Variants in ADAP1 observed in about 807,000 individuals in gnomAD.
The protein encoded by ADAP1 is ArfGAP with dual PH domains 1.
In ADAP1, 31 loss-of-function variants were observed where a neutral mutation model predicts 54.9. The ratio of observed to expected loss-of-function variants is 0.56; its 90% CI spans 0.42 to 0.76. The LOEUF (loss-of-function observed/expected upper bound fraction) is 0.76, where lower values mean the gene tolerates loss of function less well. ADAP1 is among the 30% of genes least tolerant of loss of function. The pLI is 0.00. For synonymous variants in ADAP1, 313 were observed against 202.6 expected (o/e 1.55, Z -4.63); for missense variants, 535 against 512.4 (o/e 1.04, Z -0.42).
At chr7:905,758 G>GA (rs1335274257) in intron 4 of ADAP1, 2 of 38,740 alleles carry the variant, frequency 5.2e-5, no homozygotes, top group Non-Finnish European at 8.3e-5. Flanking sequence ...GGAGAAGGGA[G>GA]AAGGGAGAAA....
chr7:936,626 T>C (rs948838365), intron 1 of ADAP1, among the ~76,000 whole-genome samples: 16 of 152,238 alleles, frequency 1.1e-4, no homozygotes, highest in Admixed American at 9.2e-4. Flanking sequence ...CCTGTTTTCT[T>C]CTGGCTCCCA....
intron 3 of ADAP1, among the ~76,000 whole-genome samples, chr7:923,688 AGT>A (rs1233113747): frequency 4.6e-5 from 7 of 152,082 alleles, no homozygotes; most frequent in Non-Finnish European, 8.8e-5. Context: ...GAGGGACCCC[AGT>A]GTGTGCCGGG....
Position 920,064 on chromosome 7 carries a change from A to G in ADAP1, c.306-14T>C. On this transcript the variant is annotated splice_polypyrimidine_tract_variant and intron_variant, in intron 3 of 10. Coordinates refer to ENST00000265846, the MANE Select transcript of ADAP1 (RefSeq NM_006869.4). The surrounding 1 kb of genome is among the most constrained non-coding windows in gnomAD (Gnocchi z 4.5). Reference sequence around the variant, plus strand: ...TCTCGAAGGAGCCTGTGGGGAGAGGAGAGACTGAGCCACTGGGCCAAGGCG... The same window carrying G: ...TCTCGAAGGAGCCTGTGGGGAGAGGGGAGACTGAGCCACTGGGCCAAGGCG... 6.2e-7 allele frequency: 1 copy of G among 1,603,224 alleles called. No homozygotes were observed. Among genetic ancestry groups the G allele is most frequent in the Non-Finnish European group, 8.5e-7 (1 of 1,178,824 alleles).
At chr7:927,205 G>GAACAT in intron 2 of ADAP1, 1 of 1,281,292 alleles carries the variant, frequency 7.8e-7, no homozygotes, top group Non-Finnish European at 1.0e-6. Flanking sequence ...AACAGGCTGA[G>GAACAT]GGAGAAGGAA....
intron 6 of ADAP1, chr7:900,944 C>T (rs1284242879): frequency 1.8e-6 from 1 of 555,208 alleles, no homozygotes; most frequent in South Asian, 1.5e-5. Flanking sequence ...ACTCTGTGGC[C>T]CTGGTGCTGC....
In ADAP1 at chr7:950,260, C is replaced by T. The variant is rs138781674; in HGVS notation, c.82+4136G>A. On this transcript the variant is annotated intron_variant, in intron 1 of 10. Coordinates refer to ENST00000265846, the MANE Select transcript of ADAP1 (RefSeq NM_006869.4). ...CAGCACTTCGGGAGGCCGAGGCAGGCGGATCACAAGGTCAGGAGATCGAGA... is the reference window on the plus strand; with the variant it reads ...CAGCACTTCGGGAGGCCGAGGCAGGTGGATCACAAGGTCAGGAGATCGAGA... Among the ~76,000 whole-genome samples, 742 of 151,940 alleles carry T rather than the reference C, an allele frequency of 4.9e-3. 9 individuals are homozygous for T. The highest frequency in any genetic ancestry group is 4.9e-3 in the Non-Finnish European group (331 of 67,944).
intron 2 of ADAP1, among the ~76,000 whole-genome samples, chr7:932,447 C>T (rs935376512): frequency 6.6e-6 from 1 of 152,172 alleles, no homozygotes; most frequent in Non-Finnish European, 1.5e-5. Flanking sequence ...GTCTTCTCCC[C>T]GAGCCAAGGA....
intron 2 of ADAP1, chr7:927,026 C>A: frequency 7.9e-7 from 1 of 1,258,932 alleles, no homozygotes; most frequent in Admixed American, 2.9e-5. Flanking sequence ...AGAGCGAGGG[C>A]TTCCTCGTTC....
intron 5 of ADAP1, 21 bp downstream of exon 5, chr7:905,039 C>T (rs377395105): frequency 3.1e-6 from 5 of 1,601,024 alleles, no homozygotes; most frequent in Admixed American, 1.7e-5. Context: ...GGCCCCCACC[C>T]CACCCCCGTC....
At chr7:898,979 C>T in intron 10 of ADAP1, 30 bp from the exon 11 acceptor site, 1 of 1,611,262 alleles carries the variant, frequency 6.2e-7, no homozygotes, top group Non-Finnish European at 8.5e-7. Flanking sequence ...AGCGTTGTCA[C>T]AGCGGCGGGG....
chr7:919,608 GA>G (rs1846084499), intron 4 of ADAP1, among the ~76,000 whole-genome samples: 1 of 140,752 alleles, frequency 7.1e-6, no homozygotes, highest in African/African-American at 2.7e-5. Context: ...GAGAGACAGA[GA>G]ATGAGAGACA....
At chr7:955,236 C>T (rs1435253837), upstream of ADAP1, 2 of 1,506,938 alleles carry the variant, frequency 1.3e-6, no homozygotes, top group African/African-American at 2.8e-5. Context: ...CTGAGGGGCC[C>T]CGCCGGGACT....
rs73672465 is a variant in ADAP1 at position 916,427 on chromosome 7, G to A, written c.388+3541C>T. Among the ~76,000 whole-genome samples, 1,238 of 152,302 alleles carry A rather than the reference G, an allele frequency of 8.1e-3. 22 individuals carry two copies. The highest frequency in any genetic ancestry group is 0.028 in the African/African-American group (1,166 of 41,544). ...ACCAGAGGGTTCTGATACAAGAACA[G>A]ACACAAAACTCAGTCCTGTGGTCAC... is the stretch of plus-strand genomic sequence containing the variant. On this transcript the variant is annotated intron_variant, in intron 4 of 10. Coordinates refer to ENST00000265846, the MANE Select transcript of ADAP1 (RefSeq NM_006869.4).
Position 935,428 on chromosome 7 carries a change from C to T in ADAP1, c.160G>A (p.Val54Ile). 1 of 1,561,154 alleles carries T rather than the reference C, an allele frequency of 6.4e-7. No individual in the cohort carries two copies. The highest frequency in any genetic ancestry group is 8.7e-7 in the Non-Finnish European group (1 of 1,152,476). Residue 54 changes from valine (V) to isoleucine (I), a missense_variant, in exon 2 of 11, where the codon GTC becomes ATC. Transcript: ENST00000265846. ...CSGIHRNIPQ[V>I]SKVKSVRLDA... ...AGGCGGACGGACTTCACCTTGCTGACCTGGGGGATATTCCGGTGGATTCCC... is the reference window on the plus strand; with the variant it reads ...AGGCGGACGGACTTCACCTTGCTGATCTGGGGGATATTCCGGTGGATTCCC...
At chr7:917,748 G>A (rs1845994919) in intron 4 of ADAP1, among the ~76,000 whole-genome samples, 1 of 151,960 alleles carries the variant, frequency 6.6e-6, no homozygotes, top group South Asian at 2.1e-4. Context: ...TTTTATTCTT[G>A]GGGTGAGATT....
At chr7:905,300 GGGGGAGACGGAC>G (rs1269428183) in intron 4 of ADAP1, 128 bp from the exon 5 acceptor site, 8 of 296,252 alleles carry the variant, frequency 2.7e-5, no homozygotes, top group Non-Finnish European at 4.7e-5. Flanking sequence ...GACACGGACA[GGGGGAGACGGAC>G]GGGGAGAGGG....
At chr7:931,892 TA>T (rs1846592863) in intron 2 of ADAP1, among the ~76,000 whole-genome samples, 1 of 152,048 alleles carries the variant, frequency 6.6e-6, no homozygotes, top group Non-Finnish European at 1.5e-5. Context: ...GTTTCTCCCT[TA>T]GGGGTGGGAG....
chr7:917,666 G>A (rs186241465), intron 4 of ADAP1, among the ~76,000 whole-genome samples: 12 of 152,256 alleles, frequency 7.9e-5, no homozygotes, highest in South Asian at 2.1e-4. Flanking sequence ...GTTTTGCCAC[G>A]TTGACCAGAT....
intron 6 of ADAP1, chr7:900,894 G>GGGCCA (rs770454387): frequency 1.2e-5 from 7 of 601,178 alleles, no homozygotes; most frequent in East Asian, 7.5e-5. Context: ...GGGCCGGGCC[G>GGGCCA]GGCCGGGCTG....
Sources: allele counts gnomAD v4.1 joint callset (sites outside exome capture counted in the v4.1 genomes callset), GRCh38; gene constraint gnomAD v4.1.1; non-coding constraint Gnocchi (gnomAD v3.1); transcripts MANE v1.5; gene names NCBI Gene and HGNC (gene_info 2026-07-23, HGNC 2026-07-21).